COBLL1: variants seen among roughly 807,000 people sequenced by gnomAD.
The protein encoded by COBLL1 is cordon-bleu WH2 repeat protein like 1.
In COBLL1, 50 loss-of-function variants were observed where a neutral mutation model predicts 94.8. That is an observed-to-expected ratio of 0.53 (90% CI 0.42 to 0.67). The LOEUF (loss-of-function observed/expected upper bound fraction) is 0.67, where lower values mean the gene tolerates loss of function less well. Ranked by LOEUF, COBLL1 falls within the 30% of genes least tolerant of loss-of-function variation. The pLI, the probability that COBLL1 is intolerant of heterozygous loss-of-function variation, is 0.00. For missense variants in COBLL1, 1,362 were observed against 1,348.7 expected, an observed-to-expected ratio of 1.01 and a Z score of -0.15; for synonymous variants, 448 against 473.8, an observed-to-expected ratio of 0.95 and a Z score of 0.71.
intron 2 of COBLL1, among the ~76,000 whole-genome samples, chr2:164,769,173 C>A (rs1434455663): frequency 1.3e-5 from 2 of 151,980 alleles, no homozygotes; most frequent in African/African-American, 2.4e-5. Flanking sequence ...AAAAAAAAAT[C>A]TCGTTTCTTA....
intron 10 of COBLL1, among the ~76,000 whole-genome samples, chr2:164,700,127 A>C (rs1684172477): frequency 6.6e-6 from 1 of 152,164 alleles, no homozygotes; most frequent in South Asian, 2.1e-4. Flanking sequence ...GTGATTTAAC[A>C]TCATATTCTA....
Position 164,704,844 on chromosome 2 carries a change from A to C in COBLL1, c.1150+108T>G. The C allele has an allele frequency of 2.6e-6, 3 of 1,166,202 alleles. No homozygotes were observed. In the South Asian group the frequency reaches 5.2e-5, roughly 20 times the overall value. The allele number at this position is 1,166,202 out of a possible 1,614,324, so 72.2% of individuals were successfully genotyped here. A position where few individuals can be genotyped will look rare whatever the true frequency, so the allele number is the denominator to read the frequency against. The stretch of plus-strand genomic sequence containing the variant: ...GAGACTAATCAAGATGTATTTAAAA[A>C]GCCTAAGTATTATTTAAAAAGCATA... On this transcript the variant is annotated intron_variant, in intron 8 of 13. Coordinates refer to ENST00000652658, the MANE Select transcript of COBLL1 (RefSeq NM_001365672.2).
chr2:164,697,835 G>C (rs1188266192), intron 11 of COBLL1: 1 of 152,026 alleles, frequency 6.6e-6, no homozygotes, highest in South Asian at 2.1e-4. Flanking sequence ...TGTTAACCAA[G>C]TGTTTATAAA....
chr2:164,817,460 T>C (rs936157887), intron 2 of COBLL1, among the ~76,000 whole-genome samples: 1 of 151,702 alleles, frequency 6.6e-6, no homozygotes, highest in Non-Finnish European at 1.5e-5. Context: ...CCCTCTTTAG[T>C]CAACCACAAT....
intron 2 of COBLL1, among the ~76,000 whole-genome samples, chr2:164,809,822 A>T (rs1250696529): frequency 6.6e-6 from 1 of 151,924 alleles, no homozygotes; most frequent in Admixed American, 6.6e-5. Context: ...TTTATGCAAG[A>T]TATTCACATG....
At chr2:164,735,839 C>T (rs1462232750) in intron 3 of COBLL1, among the ~76,000 whole-genome samples, 4 of 152,148 alleles carry the variant, frequency 2.6e-5, no homozygotes, top group African/African-American at 4.8e-5. Flanking sequence ...TTCCTGTTTC[C>T]TAAGGCAGGA....
chr2:164,773,273 C>T (rs1240714156), intron 2 of COBLL1, among the ~76,000 whole-genome samples: 4 of 151,946 alleles, frequency 2.6e-5, no homozygotes, highest in African/African-American at 9.7e-5. Context: ...CCTAGATTAG[C>T]GTGATTATCA....
intron 3 of COBLL1, 117 bp from the exon 4 acceptor site, chr2:164,730,232 G>T: frequency 1.1e-6 from 1 of 892,762 alleles, no homozygotes; most frequent in Non-Finnish European, 1.7e-6. Flanking sequence ...CTTAAATATT[G>T]AACTACAGGT....
chr2:164,804,421 CTATAA>C (rs1683984370), intron 2 of COBLL1, among the ~76,000 whole-genome samples: 1 of 151,894 alleles, frequency 6.6e-6, no homozygotes, highest in Non-Finnish European at 1.5e-5. Context: ...AAAACAAAGT[CTATAA>C]TATGAAATGT....
At chr2:164,734,082 T>C (rs1254573342) in intron 3 of COBLL1, among the ~76,000 whole-genome samples, 3 of 152,074 alleles carry the variant, frequency 2.0e-5, no homozygotes, top group Non-Finnish European at 4.4e-5. Context: ...GGAAGAGCAA[T>C]CTGTGCTTTG....
At chr2:164,816,627 A>C (rs2105349488) in intron 2 of COBLL1, among the ~76,000 whole-genome samples, 1 of 152,354 alleles carries the variant, frequency 6.6e-6, no homozygotes, top group African/African-American at 2.4e-5. Context: ...AGCAATTTCT[A>C]ATCCTTATAA....
chr2:164,796,044 C>T (rs1683434728), intron 2 of COBLL1, among the ~76,000 whole-genome samples: 1 of 152,118 alleles, frequency 6.6e-6, no homozygotes, highest in Admixed American at 6.5e-5. Flanking sequence ...TTGAAATCTA[C>T]TTAACTTAAA....
At chr2:164,739,435 G>T (rs1161897756) in intron 3 of COBLL1, among the ~76,000 whole-genome samples, 1 of 152,106 alleles carries the variant, frequency 6.6e-6, no homozygotes, top group African/African-American at 2.4e-5. Flanking sequence ...TATTCCCCAA[G>T]AACACATTTT....
At chr2:164,695,923 G>A in intron 11 of COBLL1, 87 bp from the exon 12 acceptor site, 4 of 1,077,240 alleles carry the variant, frequency 3.7e-6, no homozygotes, top group Non-Finnish European at 2.6e-6. Flanking sequence ...ACCTGAAATA[G>A]TTTGGTTTGA....
rs1687863335 is a variant in COBLL1, at chr2:164,764,952, G to A, written c.42-21077C>T. 1.3e-5 allele frequency among the ~76,000 whole-genome samples: 2 copies of A among 152,088 alleles called. 1 individual carries two copies. Among genetic ancestry groups the A allele is most frequent in the Admixed American group, 1.3e-4 (2 of 15,242 alleles). On this transcript the variant is annotated intron_variant, in intron 2 of 13. Transcript: ENST00000652658. The stretch of plus-strand genomic sequence containing the variant: ...CAGTTCATACAGAAATATAACATTT[G>A]ATGAACAAGGGTTTCCTTTAAAGAA...
chr2:164,784,149 T>G (rs1688837182), intron 2 of COBLL1, among the ~76,000 whole-genome samples: 1 of 152,166 alleles, frequency 6.6e-6, no homozygotes, highest in African/African-American at 2.4e-5. Context: ...TCATGGTAGA[T>G]TCTCTCATTT....
intron 11 of COBLL1, chr2:164,696,864 C>CA (rs1683975543): frequency 6.6e-6 from 1 of 152,194 alleles, no homozygotes. Context: ...TGCTTATCTT[C>CA]AAAACCCTAG....
chr2:164,725,579 C>A (rs1010502877), intron 5 of COBLL1, among the ~76,000 whole-genome samples: 1 of 151,998 alleles, frequency 6.6e-6, no homozygotes, highest in Non-Finnish European at 1.5e-5. Flanking sequence ...CCACCACACC[C>A]GGCTAATTTT....
intron 11 of COBLL1, chr2:164,697,558 A>G (rs1223695575): frequency 6.6e-6 from 1 of 152,146 alleles, no homozygotes; most frequent in Non-Finnish European, 1.5e-5. Context: ...TCTTATTTCT[A>G]ATTTTCCACT....
Sources: allele counts gnomAD v4.1 joint callset (sites outside exome capture counted in the v4.1 genomes callset), GRCh38; gene constraint gnomAD v4.1.1; transcripts MANE v1.5; gene names NCBI Gene and HGNC (gene_info 2026-07-23, HGNC 2026-07-21).